Variants in DAGLA observed in about 807,000 individuals in gnomAD.
DAGLA encodes diacylglycerol lipase alpha.
In DAGLA, 22 loss-of-function variants were observed where a neutral mutation model predicts 102.6. The ratio of observed to expected loss-of-function variants is 0.21; its 90% CI spans 0.15 to 0.31. DAGLA has a LOEUF of 0.31. DAGLA is among the 10% of genes least tolerant of loss of function. The pLI is 1.00. For synonymous variants in DAGLA, 578 were observed against 628.9 expected (o/e 0.92, Z 1.21); for missense variants, 927 against 1,446.6 (o/e 0.64, Z 5.83).
At chr11:61,690,245 C>T (rs1019040270) in intron 1 of DAGLA, among the ~76,000 whole-genome samples, 9 of 152,242 alleles carry the variant, frequency 5.9e-5, no homozygotes, top group East Asian at 1.9e-4. Flanking sequence ...TTGACACCTT[C>T]GCTGGGACTG....
At chr11:61,693,144 C>T (rs1352608123) in intron 1 of DAGLA, among the ~76,000 whole-genome samples, 4 of 151,352 alleles carry the variant, frequency 2.6e-5, no homozygotes, top group East Asian at 1.9e-4. Flanking sequence ...TGTAGGTGCC[C>T]GCCACCACAT....
rs763125528 is a variant in DAGLA, at chr11:61,734,941, G to A, written c.1067G>A (p.Arg356His). Residue 356 changes from arginine to histidine, a missense_variant, in exon 10 of 20, where the codon CGC becomes CAC. Coordinates refer to ENST00000257215, the MANE Select transcript of DAGLA (RefSeq NM_006133.3). This position sits in a 1 kb window ranked among gnomAD's most constrained non-coding sequence, Gnocchi z 4.2. Reference sequence around the variant, plus strand: ...GGCTGTAATGCCATTGCCATCCGGCGCCACTTCCTGGACGAGAACATGACT... The same window carrying A: ...GGCTGTAATGCCATTGCCATCCGGCACCACTTCCTGGACGAGAACATGACT... The part of the protein sequence containing the change: ...CCGCNAIAIR[R>H]HFLDENMTAV... 54 of 1,613,966 alleles carry A rather than the reference G, an allele frequency of 3.3e-5. No individual in the cohort carries two copies. Among genetic ancestry groups the A allele is most frequent in the Non-Finnish European group, 4.0e-5 (47 of 1,179,978 alleles).
At chr11:61,728,049 GAC>G in intron 6 of DAGLA, 102 bp from the exon 7 acceptor site, 1 of 1,381,832 alleles carries the variant, frequency 7.2e-7, no homozygotes. Flanking sequence ...ACCCCGAGCA[GAC>G]ACCTGCTTCT....
At chr11:61,733,168 T>C (rs2065390850) in intron 9 of DAGLA, among the ~76,000 whole-genome samples, 1 of 152,244 alleles carries the variant, frequency 6.6e-6, no homozygotes, top group African/African-American at 2.4e-5. Flanking sequence ...AGGCTTAGAA[T>C]GGCTGAGTGA....
chr11:61,715,621 A>G (rs934756622), intron 1 of DAGLA, among the ~76,000 whole-genome samples: 7 of 152,190 alleles, frequency 4.6e-5, no homozygotes. Flanking sequence ...GCAGCACCGG[A>G]GCACTCATGG....
chr11:61,738,320 C>A (rs2065443836), intron 16 of DAGLA, 113 bp downstream of exon 16: 2 of 851,268 alleles, frequency 2.3e-6, no homozygotes, highest in Non-Finnish European at 1.8e-6. Context: ...AAGGCCAGGG[C>A]AGGGTGTGGC....
chr11:61,721,007 G>C, intron 3 of DAGLA, 117 bp downstream of exon 3: 1 of 969,808 alleles, frequency 1.0e-6, no homozygotes, highest in Non-Finnish European at 1.5e-6. Context: ...CTGGGGTACA[G>C]CAGTGAACTA....
At chr11:61,704,623 G>T (rs893145722) in intron 1 of DAGLA, among the ~76,000 whole-genome samples, 1 of 152,136 alleles carries the variant, frequency 6.6e-6, no homozygotes, top group African/African-American at 2.4e-5. Context: ...GGTTTGTGTC[G>T]GGAGAGTAAG....
Position 61,737,901 on chromosome 11 carries a change from A to C in DAGLA, c.1583+146A>C, listed in dbSNP as rs1565263997. 4.0e-6 allele frequency: 3 copies of C among 759,204 alleles called. No homozygotes were observed. In the South Asian group the frequency reaches 4.9e-5, roughly 12 times the overall value. The allele number at this position is 759,204 out of a possible 1,614,324, so 47.0% of individuals were successfully genotyped here. A position where few individuals can be genotyped will look rare whatever the true frequency, so the allele number is the denominator to read the frequency against. The stretch of plus-strand genomic sequence containing the variant: ...CGCCCCTCCCCACCCTTAGTTGCCC[A>C]GTGGTGAGAAGCCCAGGTGAACGCA... On this transcript the variant is annotated intron_variant, in intron 15 of 19. Coordinates refer to ENST00000257215, the MANE Select transcript of DAGLA (RefSeq NM_006133.3).
intron 18 of DAGLA, 106 bp downstream of exon 18, chr11:61,740,698 C>T (rs1565265290): frequency 2.7e-6 from 4 of 1,460,530 alleles, no homozygotes; most frequent in African/African-American, 1.4e-5. Flanking sequence ...GACAAGGGTG[C>T]TGGGGCTCAG....
At chr11:61,697,788 C>T (rs1471988541) in intron 1 of DAGLA, among the ~76,000 whole-genome samples, 2 of 152,160 alleles carry the variant, frequency 1.3e-5, no homozygotes, top group African/African-American at 2.4e-5. Flanking sequence ...TTCCTGGGCT[C>T]AAGTGATCCT....
chr11:61,700,142 A>G (rs1213427636), intron 1 of DAGLA, among the ~76,000 whole-genome samples: 2 of 152,248 alleles, frequency 1.3e-5, no homozygotes, highest in East Asian at 3.8e-4. Context: ...ACTGTCAGTA[A>G]GGAGCTGGAG....
chr11:61,702,326 G>C (rs538872804), intron 1 of DAGLA, among the ~76,000 whole-genome samples: 28 of 152,244 alleles, frequency 1.8e-4, no homozygotes, highest in African/African-American at 6.5e-4. Flanking sequence ...AAAGCACTGG[G>C]CCATGGTGTG....
chr11:61,718,976 A>T (rs1379418370), intron 1 of DAGLA, among the ~76,000 whole-genome samples: 1 of 151,930 alleles, frequency 6.6e-6, no homozygotes, highest in Non-Finnish European at 1.5e-5. Context: ...GGAGAGGAGG[A>T]TCTGCCGCCT....
intron 7 of DAGLA, 55 bp from the exon 8 acceptor site, chr11:61,728,876 C>T: frequency 6.6e-7 from 1 of 1,523,360 alleles, no homozygotes; most frequent in Non-Finnish European, 9.1e-7. Context: ...CCTTTCCCAG[C>T]CATGCAGCCG....
chr11:61,720,926 A>T (rs2065276314), intron 3 of DAGLA, 36 bp downstream of exon 3: 1 of 1,577,002 alleles, frequency 6.3e-7, no homozygotes, highest in African/African-American at 1.3e-5. Flanking sequence ...TGCCCCAGAC[A>T]ACTCCCACCT....
intron 1 of DAGLA, among the ~76,000 whole-genome samples, chr11:61,708,556 G>C (rs1248170792): frequency 6.6e-6 from 1 of 150,942 alleles, no homozygotes; most frequent in Admixed American, 6.6e-5. Context: ...AATTTTTTTT[G>C]TATTTTTTAG....
intron 1 of DAGLA, among the ~76,000 whole-genome samples, chr11:61,706,854 C>G (rs2065154576): frequency 1.3e-5 from 2 of 152,250 alleles, no homozygotes; most frequent in Non-Finnish European, 2.9e-5. Context: ...CTGGCAGGAG[C>G]CTTGGCCTCT....
rs546001844 is a variant in DAGLA at position 61,726,204 on chromosome 11, C to G, written c.636+122C>G. On this transcript the variant is annotated intron_variant, in intron 6 of 19. Transcript: ENST00000257215. ...TGGTGGGAAGGAGCTGGGTTTCCAG[C>G]GTGAGCAAGTATGGCCTGCTCACAC... The G allele has an allele frequency of 3.6e-4, 320 of 899,040 alleles. 2 individuals are homozygous for G. The East Asian group carries it at 7.8e-3, about 22-fold the overall frequency. 55.7% of individuals were successfully genotyped at this position (899,040 alleles called of 1,614,324 possible).
Sources: gnomAD v4.1 joint callset for allele counts (sites outside exome capture counted in the v4.1 genomes callset) on GRCh38, gnomAD v4.1.1 for gene constraint, Gnocchi (gnomAD v3.1) non-coding constraint, MANE v1.5 for transcripts, NCBI Gene and HGNC (gene_info 2026-07-23, HGNC 2026-07-21) for gene names.